Variants in C5orf34 observed in about 807,000 individuals in gnomAD.
The protein encoded by C5orf34 is chromosome 5 open reading frame 34, also known as uncharacterized protein C5orf34.
A neutral mutation model predicts 78.4 loss-of-function variants in C5orf34; 73 were observed. The ratio of observed to expected loss-of-function variants is 0.93; its 90% CI spans 0.77 to 1.13. The LOEUF is 1.13. C5orf34 is among the 50% of genes most tolerant of loss of function. The pLI is 0.00. For synonymous variants in C5orf34, 251 were observed against 246.6 expected, an observed-to-expected ratio of 1.02 and a Z score of -0.17; for missense variants, 730 against 732.7, an observed-to-expected ratio of 1.00 and a Z score of 0.04.
At chr5:43,493,955 A>G (rs978482903) in intron 7 of C5orf34, among the ~76,000 whole-genome samples, 1 of 152,168 alleles carries the variant, frequency 6.6e-6, no homozygotes, top group Admixed American at 6.5e-5. Context: ...TGAATCAACT[A>G]TCCCTAGGAA....
chr5:43,512,811 T>G (rs1746330009), intron 1 of C5orf34, among the ~76,000 whole-genome samples: 2 of 128,422 alleles, frequency 1.6e-5, no homozygotes, highest in Admixed American at 8.7e-5. Flanking sequence ...TGAGACAGAG[T>G]CTTGCTCTGT....
Position 43,487,031 on chromosome 5 carries a change from C to T in C5orf34, c.1801G>A (p.Gly601Arg). 1 of 1,589,300 alleles carries T rather than the reference C, an allele frequency of 6.3e-7. No individual in the cohort carries two copies. Among genetic ancestry groups the T allele is most frequent in the Non-Finnish European group, 8.6e-7 (1 of 1,167,406 alleles). ...TCTCCTAGCAAGGTTTCTGAAGATC[C>T]TGGTTTATAATGATCAAAAGACTGT... ...EQQSFDHYKP[G>R]SSETLLGEVN... The change falls in exon 13 of 13, where the codon GGA becomes AGA. Residue 601 changes from glycine (G) to arginine (R), a missense_variant. Gly to Arg is a moderately radical substitution (Grantham distance 125). Transcript: ENST00000306862.
chr5:43,498,453 T>A (rs1010298075), intron 6 of C5orf34, among the ~76,000 whole-genome samples: 16 of 152,298 alleles, frequency 1.1e-4, no homozygotes, highest in African/African-American at 3.1e-4. Context: ...AAATCCTTAA[T>A]TGACATCTCA....
chr5:43,504,216 A>C (rs1341037336), intron 4 of C5orf34, among the ~76,000 whole-genome samples: 1 of 152,054 alleles, frequency 6.6e-6, no homozygotes. Flanking sequence ...CTGAGGCAGA[A>C]GAATCGCTTG....
chr5:43,491,157 T>C (rs1203314359), intron 10 of C5orf34, among the ~76,000 whole-genome samples: 1 of 152,208 alleles, frequency 6.6e-6, no homozygotes, highest in Non-Finnish European at 1.5e-5. Context: ...CATATACACA[T>C]ATGCTTGTAT....
intron 6 of C5orf34, among the ~76,000 whole-genome samples, chr5:43,497,747 A>G (rs1245031124): frequency 2.0e-5 from 3 of 152,268 alleles, no homozygotes; most frequent in Non-Finnish European, 4.4e-5. Flanking sequence ...TTGTCCTTTT[A>G]TCTTGGTCTA....
At chr5:43,502,279 A>G (rs1745789073) in intron 6 of C5orf34, 93 bp downstream of exon 6, 9 of 1,307,114 alleles carry the variant, frequency 6.9e-6, no homozygotes, top group Admixed American at 3.8e-5. Flanking sequence ...AAGCAATGTT[A>G]TATAATGACC....
rs765911966 is a variant in C5orf34 at position 43,492,880 on chromosome 5, AT to A, written c.1324del (p.Ile442Ter). 1 of 1,592,526 alleles carries A rather than the reference AT, an allele frequency of 6.3e-7. No individual in the cohort carries two copies. The highest frequency in any genetic ancestry group is 1.1e-5 in the South Asian group (1 of 88,566). The part of the protein sequence containing the change: ...RICCWKMVPG[I>X]NDSNILPLVL... Reference sequence around the variant, plus strand: ...CAAAGGCAGTATATTGCTATCATTTATCCCAGGTACCTAAAACCAAGTAAAT... The same window carrying A: ...CAAAGGCAGTATATTGCTATCATTTACCCAGGTACCTAAAACCAAGTAAAT... On this transcript the variant is annotated frameshift_variant, in exon 9 of 13. Coordinates refer to ENST00000306862, the MANE Select transcript of C5orf34 (RefSeq NM_198566.4). LOFTEE classifies it high-confidence loss of function.
At position 43,488,724 on chromosome 5, in the gene C5orf34, G is replaced by T. The variant is rs144292317; in HGVS notation, c.1680-775C>A. ...TATGGAGTAGAGGGCTAATATATAC[G>T]TCTCCAGCAGAACCCCTAAGTGTGT... On this transcript the variant is annotated intron_variant, in intron 11 of 12. Coordinates refer to ENST00000306862, the MANE Select transcript of C5orf34 (RefSeq NM_198566.4). 1.3e-5 allele frequency among the ~76,000 whole-genome samples: 2 copies of T among 152,130 alleles called. 1 individual carries two copies. Among genetic ancestry groups the T allele is most frequent in the African/African-American group, 4.8e-5 (2 of 41,542 alleles).
chr5:43,491,149 T>C (rs1745264161), intron 10 of C5orf34, among the ~76,000 whole-genome samples: 3 of 152,340 alleles, frequency 2.0e-5, no homozygotes, highest in East Asian at 1.9e-4. Flanking sequence ...TGCTAATGCA[T>C]ATACACATAT....
chr5:43,511,652 A>G (rs1179921103), intron 1 of C5orf34, among the ~76,000 whole-genome samples: 2 of 152,224 alleles, frequency 1.3e-5, no homozygotes, highest in African/African-American at 4.8e-5. Flanking sequence ...AGAAAGAAGT[A>G]GACATAGGAG....
At position 43,503,760 on chromosome 5, in the gene C5orf34, C is replaced by CCATCATTCTCAGTAAA; in HGVS notation, c.933-1_933insTTTACTGAGAATGATG (p.Arg311SerfsTer11). 3 of 1,598,372 alleles carry CCATCATTCTCAGTAAA rather than the reference C, an allele frequency of 1.9e-6. No individual in the cohort carries two copies. Among genetic ancestry groups the CCATCATTCTCAGTAAA allele is most frequent in the Non-Finnish European group, 2.6e-6 (3 of 1,165,878 alleles). On this transcript the variant is annotated frameshift_variant and splice_region_variant. Transcript: ENST00000306862. LOFTEE classifies it high-confidence loss of function. ...GTAAAAGTGAATCACAAAAATTCCA[C>CCATCATTCTCAGTAAA]CTGTGAAGGATAAAATACAAGCTAT...
Position 43,489,130 on chromosome 5 carries a change from T to G in C5orf34, c.1680-1181A>C, listed in dbSNP as rs529049707. ...TTTTTTTAAACCCAACGCATTTTTCTGGATGTAAGAAACAATACAACCTTT... is the reference window on the plus strand; with the variant it reads ...TTTTTTTAAACCCAACGCATTTTTCGGGATGTAAGAAACAATACAACCTTT... On this transcript the variant is annotated intron_variant, in intron 11 of 12. Coordinates refer to ENST00000306862, the MANE Select transcript of C5orf34 (RefSeq NM_198566.4). 4.7e-3 allele frequency among the ~76,000 whole-genome samples: 720 copies of G among 152,236 alleles called. 5 individuals are homozygous for G. Among genetic ancestry groups the G allele is most frequent in the African/African-American group, 0.016 (648 of 41,574 alleles).
At position 43,492,885 on chromosome 5, in the gene C5orf34, A is replaced by C. The variant is rs748725763; in HGVS notation, c.1320T>G (p.Pro440=). The C allele has an allele frequency of 6.3e-7, 1 of 1,584,256 alleles. No individual in the cohort carries two copies. Among genetic ancestry groups the C allele is most frequent in the Non-Finnish European group, 8.6e-7 (1 of 1,162,450 alleles). Residue 440 remains proline (P), a synonymous_variant, in exon 9 of 13, where the codon CCT becomes CCG. Coordinates refer to ENST00000306862, the MANE Select transcript of C5orf34 (RefSeq NM_198566.4). ...NYRICCWKMV[P]GINDSNILPL... ...GCAGTATATTGCTATCATTTATCCC[A>C]GGTACCTAAAACCAAGTAAATAAAA...
chr5:43,491,974 G>A (rs192001494), intron 10 of C5orf34, among the ~76,000 whole-genome samples: 16 of 146,928 alleles, frequency 1.1e-4, no homozygotes, highest in African/African-American at 3.3e-4. Flanking sequence ...ATTGTACTCC[G>A]GCCCAGGCCA....
intron 3 of C5orf34, among the ~76,000 whole-genome samples, chr5:43,507,675 CAG>C (rs1225840562): frequency 6.6e-6 from 1 of 152,196 alleles, no homozygotes; most frequent in African/African-American, 2.4e-5. Context: ...AGTTGAGAAA[CAG>C]AGTTTACAGA....
chr5:43,514,723 G>C (rs1006401027), intron 1 of C5orf34, 83 bp downstream of exon 1: 4 of 152,160 alleles, frequency 2.6e-5, no homozygotes, highest in African/African-American at 4.8e-5. Flanking sequence ...ACATGAATGA[G>C]AATCTCATTT....
intron 3 of C5orf34, 111 bp downstream of exon 3, chr5:43,508,466 C>A: frequency 1.6e-6 from 1 of 632,286 alleles, no homozygotes. Context: ...TGTTTTATAG[C>A]AATGTATCCC....
chr5:43,497,079 T>C (rs944316486), intron 6 of C5orf34, among the ~76,000 whole-genome samples: 2 of 152,136 alleles, frequency 1.3e-5, no homozygotes, highest in Non-Finnish European at 2.9e-5. Flanking sequence ...ATGGAAGAAA[T>C]ACTGCTACAG....
Sources: gnomAD v4.1 joint callset for allele counts (sites outside exome capture counted in the v4.1 genomes callset) on GRCh38, gnomAD v4.1.1 for gene constraint, MANE v1.5 for transcripts, NCBI Gene and HGNC (gene_info 2026-07-23, HGNC 2026-07-21) for gene names.